Variants in ADK observed in about 807,000 individuals in gnomAD.
The protein encoded by ADK is N6,N6-dimethyladenosine kinase.
ADK carries 24 observed loss-of-function variants against 44.7 expected under a neutral mutation model. The observed-to-expected ratio is 0.54, with a 90% CI of 0.39 to 0.76. The LOEUF is 0.76. Among genes scored for constraint, ADK ranks in the 30% least tolerant of loss-of-function variants. The probability of loss-of-function intolerance (pLI) is 0.00; values close to 1 mark genes in which losing one functional copy is unlikely to be tolerated. For synonymous variants in ADK, 128 were observed against 142.6 expected (o/e 0.90, Z 0.73); for missense variants, 321 against 425.1 (o/e 0.76, Z 2.15).
At chr10:74,176,494 A>G in intron 1 of ADK, 1 of 1,167,032 alleles carries the variant, frequency 8.6e-7, no homozygotes, top group South Asian at 2.3e-5. Flanking sequence ...AGGCGCGGCC[A>G]TTTTTGGGGC....
At chr10:74,590,237 A>T (rs1332566047) in intron 8 of ADK, among the ~76,000 whole-genome samples, 1 of 152,198 alleles carries the variant, frequency 6.6e-6, no homozygotes, top group Non-Finnish European at 1.5e-5. Context: ...TAAAAATTTA[A>T]TCTAACCACA....
intron 6 of ADK, among the ~76,000 whole-genome samples, chr10:74,515,612 G>A (rs1386480365): frequency 6.6e-6 from 1 of 152,144 alleles, no homozygotes; most frequent in Admixed American, 6.5e-5. Context: ...GGACTGTTGG[G>A]CAGGCCAAGG....
chr10:74,414,555 GTGAAACCCCCTC>G, intron 6 of ADK, among the ~76,000 whole-genome samples: 1 of 152,264 alleles, frequency 6.6e-6, no homozygotes, highest in South Asian at 2.1e-4. Context: ...GGCCAACATG[GTGAAACCCCCTC>G]TCTACTAAAA....
At chr10:74,680,600 T>G (rs150273375) in intron 10 of ADK, among the ~76,000 whole-genome samples, 2 of 152,268 alleles carry the variant, frequency 1.3e-5, no homozygotes, top group African/African-American at 4.8e-5. Flanking sequence ...ATCACATGTG[T>G]GTAGCACTGA....
intron 10 of ADK, among the ~76,000 whole-genome samples, chr10:74,693,867 T>C (rs1298781413): frequency 6.6e-6 from 1 of 152,170 alleles, no homozygotes; most frequent in Admixed American, 6.5e-5. Context: ...TGATTTACCT[T>C]GTGGAAAATT....
At chr10:74,224,438 GACCTATA>G in intron 2 of ADK, 93 bp from the exon 3 acceptor site, 1 of 883,244 alleles carries the variant, frequency 1.1e-6, no homozygotes. Flanking sequence ...TTAAGTCAGA[GACCTATA>G]ACAGTGTTGG....
At chr10:74,329,883 CA>C (rs1841158059) in intron 4 of ADK, among the ~76,000 whole-genome samples, 1 of 151,888 alleles carries the variant, frequency 6.6e-6, no homozygotes, top group South Asian at 2.1e-4. Flanking sequence ...AATAATAGGC[CA>C]GATGTGATGG....
At chr10:74,210,890 A>AT (rs1011527874) in intron 2 of ADK, among the ~76,000 whole-genome samples, 3 of 150,482 alleles carry the variant, frequency 2.0e-5, no homozygotes, top group East Asian at 1.9e-4. Flanking sequence ...TTTGTAGTTA[A>AT]TTTTTTTTTT....
chr10:74,151,274 C>T lies in ADK; in HGVS notation c.-5C>T, dbSNP rs1361341169. On this transcript the variant is annotated 5_prime_UTR_variant, in exon 1 of 11. Transcript: ENST00000539909. ...GTAGAGCCAAAGTGGGGTGGGAGCG[C>T]GAAGATGGCAGCTGCTGAGGAGGAG... The T allele has an allele frequency of 6.5e-7, 1 of 1,549,436 alleles. No individual in the cohort carries two copies. The highest frequency in any genetic ancestry group is 8.7e-7 in the Non-Finnish European group (1 of 1,146,846).
At chr10:74,549,438 T>A (rs79019978) in intron 7 of ADK, among the ~76,000 whole-genome samples, 15,028 of 152,154 alleles carry the variant, frequency 0.099, 2,119 homozygotes, top group African/African-American at 0.31. Context: ...TTAATTAATT[T>A]ATTTATTTAT....
chr10:74,310,158 C>A (rs1840385498), intron 3 of ADK, among the ~76,000 whole-genome samples: 1 of 151,910 alleles, frequency 6.6e-6, no homozygotes, highest in Admixed American at 6.6e-5. Context: ...CCCGTTCAGA[C>A]AAAGAATGTC....
intron 4 of ADK, among the ~76,000 whole-genome samples, chr10:74,355,546 G>A (rs763752611): frequency 6.6e-6 from 1 of 152,154 alleles, no homozygotes; most frequent in Non-Finnish European, 1.5e-5. Flanking sequence ...CTTAGTATCT[G>A]CTAGAAATGT....
chr10:74,468,653 C>G (rs1269315725), intron 6 of ADK, among the ~76,000 whole-genome samples: 1 of 152,058 alleles, frequency 6.6e-6, no homozygotes, highest in African/African-American at 2.4e-5. Context: ...TTCTCCTCTT[C>G]TGAAATGGAA....
intron 9 of ADK, among the ~76,000 whole-genome samples, chr10:74,614,819 C>G (rs1166660566): frequency 6.6e-6 from 1 of 152,184 alleles, no homozygotes; most frequent in Non-Finnish European, 1.5e-5. Flanking sequence ...TGTAACTGTG[C>G]TCTAGATATG....
In ADK at chr10:74,189,968, A is replaced by C. The variant is rs548868773; in HGVS notation, c.66-10796A>C. 2.0e-5 allele frequency among the ~76,000 whole-genome samples: 3 copies of C among 152,254 alleles called. No individual in the cohort carries two copies. In the South Asian group the frequency reaches 6.2e-4, roughly 32 times the overall value. The stretch of plus-strand genomic sequence containing the variant: ...ACTGAAATAATATTTCATTGTATAG[A>C]TATGCCCCAATTTATCCATTTATCA... On this transcript the variant is annotated intron_variant, in intron 1 of 10. Transcript: ENST00000539909.
intron 9 of ADK, among the ~76,000 whole-genome samples, chr10:74,616,893 GT>G (rs528894393): frequency 2.0e-4 from 30 of 151,904 alleles, no homozygotes; most frequent in African/African-American, 7.2e-4. Context: ...TTCTCAGGAT[GT>G]TTTTTTCTTT....
intron 7 of ADK, among the ~76,000 whole-genome samples, chr10:74,531,392 A>G (rs1305331336): frequency 1.3e-5 from 2 of 152,254 alleles, no homozygotes; most frequent in Non-Finnish European, 2.9e-5. Context: ...ATTTGTTAAA[A>G]GACACAAAGT....
At chr10:74,427,723 A>ATG (rs1217674483) in intron 6 of ADK, among the ~76,000 whole-genome samples, 2 of 100,278 alleles carry the variant, frequency 2.0e-5, no homozygotes, top group African/African-American at 4.0e-5. Flanking sequence ...GTATATGTAT[A>ATG]TGTATGTGTG....
rs113349172 is a variant in ADK, at chr10:74,332,010, T to C, written c.273+17265T>C. On this transcript the variant is annotated intron_variant, in intron 4 of 10. Transcript: ENST00000539909. Reference sequence around the variant, plus strand: ...CTGGGATTACAGGCTTCTGCCACCATGCCCAACAAATTTTTTTTTGTATTT... The same window carrying C: ...CTGGGATTACAGGCTTCTGCCACCACGCCCAACAAATTTTTTTTTGTATTT... Among the ~76,000 whole-genome samples the C allele has an allele frequency of 4.4e-4, 67 of 152,176 alleles. 2 individuals carry two copies. Among genetic ancestry groups the C allele is most frequent in the African/African-American group, 6.5e-4 (27 of 41,528 alleles).
Sources: allele counts gnomAD v4.1 joint callset (sites outside exome capture counted in the v4.1 genomes callset), GRCh38; gene constraint gnomAD v4.1.1; transcripts MANE v1.5; gene names NCBI Gene and HGNC (gene_info 2026-07-23, HGNC 2026-07-21).